Variants in PCLO observed in about 807,000 individuals in gnomAD.
PCLO encodes the protein protein piccolo.
In PCLO, 82 loss-of-function variants were observed where a neutral mutation model predicts 427.5. The ratio of observed to expected loss-of-function variants is 0.19; its 90% confidence interval spans 0.16 to 0.23. The LOEUF is 0.23. Among genes scored for constraint, PCLO ranks in the 10% least tolerant of loss-of-function variants. PCLO has a pLI of 1.00. For synonymous variants in PCLO, 2,357 were observed against 2,155.4 expected (o/e 1.09, Z -2.59); for missense variants, 6,239 against 6,115.9 (o/e 1.02, Z -0.67).
chr7:82,951,151 G>C lies in PCLO; in HGVS notation c.9437C>G (p.Thr3146Arg). 3 of 1,613,716 alleles carry C rather than the reference G, an allele frequency of 1.9e-6. No individual in the cohort carries two copies. Among genetic ancestry groups the C allele is most frequent in the Non-Finnish European group, 2.5e-6 (3 of 1,179,730 alleles). The change falls in exon 6 of 25, where the codon ACA becomes AGA. Residue 3146 changes from threonine (T) to arginine (R), a missense_variant. Coordinates refer to ENST00000333891, the MANE Select transcript of PCLO (RefSeq NM_033026.6). ...SQPMPRSYFITTGASETDIAV... is the reference protein window; with the variant it reads ...SQPMPRSYFIRTGASETDIAV... Reference sequence around the variant, plus strand: ...AATGTCCGTTTCAGATGCACCTGTTGTTATAAAATATGATCTAGGCATTGG... The same window carrying C: ...AATGTCCGTTTCAGATGCACCTGTTCTTATAAAATATGATCTAGGCATTGG...
chr7:83,034,266 GT>G (rs1157045320), intron 3 of PCLO, among the ~76,000 whole-genome samples: 1 of 152,078 alleles, frequency 6.6e-6, no homozygotes, highest in African/African-American at 2.4e-5. Flanking sequence ...TCAGATCACT[GT>G]AACCTCTGCC....
chr7:82,774,380 A>G (rs967154605), intron 22 of PCLO, among the ~76,000 whole-genome samples: 2 of 152,062 alleles, frequency 1.3e-5, no homozygotes, highest in Admixed American at 1.3e-4. Context: ...TGCTTTGTAC[A>G]CTGTGCCATT....
In PCLO at chr7:82,902,713, T is replaced by G. The variant is rs774165894; in HGVS notation, c.13466A>C (p.His4489Pro). 14 of 1,599,566 alleles carry G rather than the reference T, an allele frequency of 8.8e-6. No homozygotes were observed. In the African/African-American group the frequency reaches 1.7e-4, roughly 20 times the overall value. ...QIIQMNGKTM[H>P]YIFPHARIKI... ...TATCCTTGCGTGAGGAAAGATGTAG[T>G]GCATAGTTTTCCCGTTCATCTGTAT... is the stretch of plus-strand genomic sequence containing the variant. The change falls in exon 9 of 25, where the codon CAC becomes CCC. Residue 4489 changes from histidine (H) to proline (P), a missense_variant. By Grantham distance (77) the His-to-Pro change is moderately conservative. Around this residue, in one of 5 missense-constraint regions of PCLO, gnomAD observed 877 missense variants for 925.5 expected, o/e 0.95. Coordinates refer to ENST00000333891, the MANE Select transcript of PCLO (RefSeq NM_033026.6).
intron 14 of PCLO, among the ~76,000 whole-genome samples, chr7:82,838,555 C>A (rs547225097): frequency 6.6e-6 from 1 of 151,962 alleles, no homozygotes; most frequent in South Asian, 2.1e-4. Context: ...TTCATTCTTT[C>A]CACAGTGAAA....
intron 9 of PCLO, among the ~76,000 whole-genome samples, chr7:82,893,787 T>C (rs1793835443): frequency 6.6e-6 from 1 of 151,984 alleles, no homozygotes. Context: ...AATATTGTTG[T>C]TTCTTTCAGT....
chr7:82,888,636 C>T (rs76322222), intron 9 of PCLO, among the ~76,000 whole-genome samples: 5,535 of 152,106 alleles, frequency 0.036, 164 homozygotes, highest in East Asian at 0.11. Flanking sequence ...ATAAACGAAG[C>T]TATATTTTCA....
At chr7:83,054,818 T>G (rs1789338838) in intron 3 of PCLO, among the ~76,000 whole-genome samples, 1 of 152,074 alleles carries the variant, frequency 6.6e-6, no homozygotes, top group African/African-American at 2.4e-5. Flanking sequence ...TTAATTTTGT[T>G]GAATGAGTTG....
chr7:82,824,702 C>T (rs1388065296), intron 18 of PCLO, among the ~76,000 whole-genome samples: 2 of 150,960 alleles, frequency 1.3e-5, no homozygotes, highest in African/African-American at 4.9e-5. Flanking sequence ...GGTCACAAGT[C>T]AATCTGTTCA....
intron 6 of PCLO, among the ~76,000 whole-genome samples, chr7:82,926,273 T>C (rs1794710553): frequency 6.6e-6 from 1 of 152,170 alleles, no homozygotes; most frequent in Non-Finnish European, 1.5e-5. Flanking sequence ...ATCATCACTA[T>C]GGGTCTATGT....
At chr7:82,875,418 C>T (rs551814780) in intron 10 of PCLO, among the ~76,000 whole-genome samples, 1 of 152,072 alleles carries the variant, frequency 6.6e-6, no homozygotes, top group South Asian at 2.1e-4. Context: ...GGTAGACTAA[C>T]TTGTTTAGAA....
chr7:82,980,643 T>C (rs1409186365), intron 3 of PCLO, among the ~76,000 whole-genome samples: 1 of 152,140 alleles, frequency 6.6e-6, no homozygotes. Flanking sequence ...ACTTCCTCCC[T>C]AGGCTACTTG....
intron 3 of PCLO, among the ~76,000 whole-genome samples, chr7:82,989,668 A>G (rs1796334479): frequency 6.6e-6 from 1 of 152,162 alleles, no homozygotes; most frequent in South Asian, 2.1e-4. Context: ...TATTTTAGGT[A>G]AAACATTTAT....
chr7:82,882,291 A>G (rs1449348374), intron 9 of PCLO, among the ~76,000 whole-genome samples: 2 of 152,210 alleles, frequency 1.3e-5, no homozygotes, highest in Non-Finnish European at 2.9e-5. Flanking sequence ...AAGAAGCAAC[A>G]TTAATTTTGA....
At chr7:82,883,815 A>C (rs576782681) in intron 9 of PCLO, among the ~76,000 whole-genome samples, 1 of 152,136 alleles carries the variant, frequency 6.6e-6, no homozygotes, top group South Asian at 2.1e-4. Context: ...CTGTTCCCCA[A>C]GCTGGAGTGC....
intron 3 of PCLO, among the ~76,000 whole-genome samples, chr7:83,134,037 T>G (rs1791642229): frequency 1.3e-5 from 2 of 151,632 alleles, no homozygotes; most frequent in African/African-American, 4.8e-5. Context: ...TTCTTACTTG[T>G]GGAACATTAA....
chr7:82,822,337 T>A, intron 20 of PCLO, 158 bp downstream of exon 20: 2 of 1,469,478 alleles, frequency 1.4e-6, no homozygotes, highest in Non-Finnish European at 1.8e-6. Context: ...AAAGAGCATA[T>A]TAATGTATTT....
chr7:82,955,579 G>C lies in PCLO; in HGVS notation c.5374C>G (p.Gln1792Glu), dbSNP rs768856183. ...EEELLKEQEK[Q>E]REIEQQQRKS... ...CTTTGTTGCTGTTCTATTTCCCTCT[G>C]CTTTTCTTGCTCCTTTAATAATTCT... Residue 1792 changes from glutamine to glutamate, a missense_variant, in exon 5 of 25, where the codon CAG (glutamine) becomes GAG (glutamate). This residue lies in a region of PCLO where 4,677 missense variants were observed against 4,468.4 expected (regional missense o/e 1.05). Transcript: ENST00000333891. 2.6e-5 allele frequency: 42 copies of C among 1,613,706 alleles called. No individual in the cohort carries two copies. The highest frequency in any genetic ancestry group is 3.3e-4 in the Middle Eastern group (2 of 6,084).
chr7:82,941,139 G>C (rs1044841492), intron 6 of PCLO, among the ~76,000 whole-genome samples: 2 of 151,270 alleles, frequency 1.3e-5, no homozygotes, highest in African/African-American at 4.9e-5. Context: ...TTGTTCTTTA[G>C]GTGAAATTAA....
chr7:82,965,999 G>A lies in PCLO; in HGVS notation c.3789C>T (p.Asp1263=), dbSNP rs1562888691. 1 of 1,613,724 alleles carries A rather than the reference G, an allele frequency of 6.2e-7. No homozygotes were observed. The highest frequency in any genetic ancestry group is 8.5e-7 in the Non-Finnish European group (1 of 1,179,834). Residue 1263 remains aspartate (D), a synonymous_variant, in exon 4 of 25, where the codon GAC becomes GAT. Transcript: ENST00000333891. ...CAATTTGTACTTGAGATTTAAGTAA[G>A]TCATGTTTCTGTTCTTCTGGGGCTG... is the stretch of plus-strand genomic sequence containing the variant. ...KTSAPEEQKH[D]LLKSQVQIAE...
Sources: allele counts gnomAD v4.1 joint callset (sites outside exome capture counted in the v4.1 genomes callset), GRCh38; gene constraint gnomAD v4.1.1; regional missense constraint gnomAD v4.1.1; transcripts MANE v1.5; gene names NCBI Gene and HGNC (gene_info 2026-07-23, HGNC 2026-07-21).